The following FAM234A variants were observed in gnomAD, a reference collection of about 807,000 sequenced individuals.
The protein encoded by FAM234A is family with sequence similarity 234 member A.
In FAM234A, 42 loss-of-function variants were observed where a neutral mutation model predicts 49.1. The observed-to-expected ratio is 0.86, with a 90% CI of 0.67 to 1.11. FAM234A has a LOEUF of 1.11. Ranked by LOEUF, FAM234A falls within the 50% of genes least tolerant of loss-of-function variation. The probability of loss-of-function intolerance (pLI) is 0.00; values close to 1 mark genes in which losing one functional copy is unlikely to be tolerated. For missense variants in FAM234A, 815 were observed against 745.2 expected (o/e 1.09, Z -1.09); for synonymous variants, 369 against 316.2 (o/e 1.17, Z -1.77).
chr16:254,566 G>C lies in FAM234A; in HGVS notation c.153G>C (p.Ala51=), dbSNP rs371933453. The C allele has an allele frequency of 6.2e-7, 1 of 1,614,168 alleles. No individual in the cohort carries two copies. The highest frequency in any genetic ancestry group is 8.5e-7 in the Non-Finnish European group (1 of 1,180,038). Residue 51 remains alanine (A), a synonymous_variant, in exon 3 of 13, where the codon GCG becomes GCC. Transcript: ENST00000399932. ...QSRLSRCRAA[A]FFLSLFLCLF... ...GGCTCTCCCGGTGCCGAGCGGCGGC[G>C]TTTTTTCTTTCATTGTTTCTCTGCC...
Position 265,183 on chromosome 16 carries a change from C to G in FAM234A, c.*161C>G, listed in dbSNP as rs887854352. ...GCCTTACCAGTCCTCCATGATCACA[C>G]CCAGGGACCTGCATGGGTGAGGGGA... On this transcript the variant is annotated 3_prime_UTR_variant, in exon 13 of 13. Transcript: ENST00000399932. 2.1e-6 allele frequency: 3 copies of G among 1,422,300 alleles called. No individual in the cohort carries two copies. The highest frequency in any genetic ancestry group is 1.8e-6 in the Non-Finnish European group (2 of 1,092,144). The allele number at this position is 1,422,300 out of a possible 1,614,324, so 88.1% of individuals were successfully genotyped here.
intron 1 of FAM234A, among the ~76,000 whole-genome samples, chr16:237,806 C>T (rs1313433073): frequency 6.6e-6 from 1 of 150,592 alleles, no homozygotes; most frequent in Non-Finnish European, 1.5e-5. Context: ...CCTGGTCCAG[C>T]TATTCTCTTG....
Position 250,174 on chromosome 16 carries a change from T to G in FAM234A, c.-34+520T>G, listed in dbSNP as rs56718903. 7.2e-3 allele frequency among the ~76,000 whole-genome samples: 1,102 copies of G among 152,246 alleles called. 42 individuals are homozygous for G. In the East Asian group the frequency reaches 0.11, roughly 16 times the overall value. ...TCTAGATCTCCTGACCTCGTGATCC[T>G]CCCACCTCGGCCTCTCAAAGTGCTG... On this transcript the variant is annotated intron_variant, in intron 2 of 12. Transcript: ENST00000399932.
At chr16:261,291 A>C (rs770428702) in intron 5 of FAM234A, 93 bp from the exon 6 acceptor site, 921 of 1,475,338 alleles carry the variant, frequency 6.2e-4, no homozygotes, top group Non-Finnish European at 7.9e-4. Context: ...GTGATGCCTC[A>C]ACAGGAGCCT....
At chr16:251,105 T>C (rs1050945824) in intron 2 of FAM234A, among the ~76,000 whole-genome samples, 10 of 152,238 alleles carry the variant, frequency 6.6e-5, no homozygotes, top group East Asian at 1.9e-4. Flanking sequence ...TACAAGCGCC[T>C]GCCACCATGC....
chr16:236,923 A>G (rs1255703375), intron 1 of FAM234A, among the ~76,000 whole-genome samples: 3 of 150,460 alleles, frequency 2.0e-5, no homozygotes, highest in African/African-American at 7.3e-5. Context: ...AATAAAATAA[A>G]TAAATAAATT....
In FAM234A at chr16:254,555, C is replaced by G. The variant is rs556829255; in HGVS notation, c.142C>G (p.Arg48Gly). 3.7e-6 allele frequency: 6 copies of G among 1,614,210 alleles called. No individual in the cohort carries two copies. In the Admixed American group the frequency reaches 5.0e-5, roughly 13 times the overall value. The change falls in exon 3 of 13, where the codon CGA becomes GGA. Residue 48 changes from arginine to glycine, a missense_variant. Physicochemically the swap from Arg to Gly is moderately radical, Grantham distance 125. Coordinates refer to ENST00000399932, the MANE Select transcript of FAM234A (RefSeq NM_032039.4). Reference protein sequence around the residue: ...APPQSRLSRCRAAAFFLSLFL... With the variant: ...APPQSRLSRCGAAAFFLSLFL... ...TCCACAGTCCCGGCTCTCCCGGTGCCGAGCGGCGGCGTTTTTTCTTTCATT... is the reference window on the plus strand; with the variant it reads ...TCCACAGTCCCGGCTCTCCCGGTGCGGAGCGGCGGCGTTTTTTCTTTCATT...
At chr16:243,125 C>T (rs2050678297) in intron 1 of FAM234A, among the ~76,000 whole-genome samples, 1 of 151,966 alleles carries the variant, frequency 6.6e-6, no homozygotes, top group African/African-American at 2.4e-5. Flanking sequence ...GGACTACAAG[C>T]ACATGCCACT....
At chr16:262,666 G>A (rs2051518558) in intron 8 of FAM234A, 113 bp downstream of exon 8, 21 of 1,140,000 alleles carry the variant, frequency 1.8e-5, no homozygotes, top group Non-Finnish European at 2.5e-5. Flanking sequence ...CACCGGCAGG[G>A]AGGTGCTCGG....
chr16:254,290 C>A (rs1375206087), intron 2 of FAM234A, 91 bp from the exon 3 acceptor site: 2 of 1,047,620 alleles, frequency 1.9e-6, no homozygotes, highest in Non-Finnish European at 2.8e-6. Context: ...GCAGCCAGTC[C>A]CCAAGAAGCC....
intron 11 of FAM234A, 66 bp downstream of exon 11, chr16:264,237 A>C: frequency 6.8e-7 from 1 of 1,470,098 alleles, no homozygotes. Context: ...CTGGAGCTCC[A>C]CCGTGGAGTG....
chr16:247,980 G>T (rs1019866172), intron 1 of FAM234A, among the ~76,000 whole-genome samples: 1 of 152,114 alleles, frequency 6.6e-6, no homozygotes, highest in South Asian at 2.1e-4. Flanking sequence ...GTGGAGCCCA[G>T]TGCTGGGTTC....
intron 3 of FAM234A, among the ~76,000 whole-genome samples, chr16:256,673 C>A (rs150153703): frequency 1.3e-5 from 2 of 151,298 alleles, no homozygotes; most frequent in Non-Finnish European, 2.9e-5. Flanking sequence ...CAGGTTCAAG[C>A]GATTCTCCTG....
chr16:263,321 T>C lies in FAM234A; in HGVS notation c.1031T>C (p.Leu344Pro). The C allele has an allele frequency of 6.2e-7, 1 of 1,613,292 alleles. No homozygotes were observed. The highest frequency in any genetic ancestry group is 8.5e-7 in the Non-Finnish European group (1 of 1,180,014). ...GGGAACGCCGGTGCAGATGTGCTTC[T>C]TGTGGGCTCAGAGGCCTTCGTGCTG... ...VPGNAGADVL[L>P]VGSEAFVLLD... Residue 344 changes from leucine to proline, a missense_variant, in exon 9 of 13, where the codon CTT (leucine) becomes CCT (proline). Coordinates refer to ENST00000399932, the MANE Select transcript of FAM234A (RefSeq NM_032039.4).
At chr16:258,318 C>T (rs376123845) in intron 3 of FAM234A, among the ~76,000 whole-genome samples, 6 of 152,284 alleles carry the variant, frequency 3.9e-5, no homozygotes, top group South Asian at 4.1e-4. Flanking sequence ...GCAGTGTTTG[C>T]GTCCCTGGGT....
At chr16:242,059 C>A (rs1596749078) in intron 1 of FAM234A, among the ~76,000 whole-genome samples, 1 of 152,232 alleles carries the variant, frequency 6.6e-6, no homozygotes, top group East Asian at 1.9e-4. Context: ...CCTGCCCCAC[C>A]CCTGCCGAAA....
chr16:244,604 A>T (rs188246032), intron 1 of FAM234A, among the ~76,000 whole-genome samples: 1 of 151,090 alleles, frequency 6.6e-6, no homozygotes, highest in Non-Finnish European at 1.5e-5. Context: ...TTTATTTTGG[A>T]CTACTTATAG....
intron 3 of FAM234A, among the ~76,000 whole-genome samples, chr16:256,565 A>T (rs1017007004): frequency 1.3e-5 from 2 of 151,384 alleles, no homozygotes; most frequent in East Asian, 3.9e-4. Flanking sequence ...ATTTATTTTT[A>T]TTTATTTATT....
chr16:239,137 A>G (rs112289476), intron 1 of FAM234A, among the ~76,000 whole-genome samples: 13 of 10,288 alleles, frequency 1.3e-3, no homozygotes, highest in African/African-American at 4.8e-3. Context: ...GTCTCTACTA[A>G]AAAATACAAA....
Sources: gnomAD v4.1 joint callset for allele counts (sites outside exome capture counted in the v4.1 genomes callset) on GRCh38, gnomAD v4.1.1 for gene constraint, MANE v1.5 for transcripts, NCBI Gene and HGNC (gene_info 2026-07-23, HGNC 2026-07-21) for gene names.